Variants in CYP20A1 observed in about 807,000 individuals in gnomAD.
The protein encoded by CYP20A1 is cytochrome P450 family 20 subfamily A member 1.
In CYP20A1, 61 loss-of-function variants were observed where a neutral mutation model predicts 61.4. The observed-to-expected ratio is 0.99, with a 90% confidence interval of 0.81 to 1.23. The LOEUF is 1.23. CYP20A1 is among the 50% of genes most tolerant of loss of function. The probability of loss-of-function intolerance (pLI) is 0.00; values close to 1 mark genes in which losing one functional copy is unlikely to be tolerated. For synonymous variants in CYP20A1, 193 were observed against 188.2 expected (o/e 1.03, Z -0.21); for missense variants, 530 against 542.4 (o/e 0.98, Z 0.23).
chr2:203,296,061 A>G (rs1048458757), intron 11 of CYP20A1, among the ~76,000 whole-genome samples: 1 of 152,166 alleles, frequency 6.6e-6, no homozygotes, highest in Non-Finnish European at 1.5e-5. Flanking sequence ...CTAGGAGTTC[A>G]AGATCAGCCT....
chr2:203,246,650 A>G, intron 2 of CYP20A1, 105 bp from the exon 3 acceptor site: 2 of 1,123,240 alleles, frequency 1.8e-6, no homozygotes, highest in South Asian at 3.3e-5. Flanking sequence ...AATTTCATGA[A>G]CCTTTGTTCT....
At chr2:203,275,557 A>C (rs1479378040) in intron 6 of CYP20A1, among the ~76,000 whole-genome samples, 1 of 151,972 alleles carries the variant, frequency 6.6e-6, no homozygotes, top group Non-Finnish European at 1.5e-5. Flanking sequence ...CTCGGGCCTC[A>C]GCCTCCCAAG....
intron 1 of CYP20A1, among the ~76,000 whole-genome samples, chr2:203,239,830 T>G (rs1440527982): frequency 6.6e-6 from 1 of 151,962 alleles, no homozygotes; most frequent in East Asian, 1.9e-4. Context: ...CTGAGGACCG[T>G]CTTTAAAACC....
rs1372237325 is a variant in CYP20A1 at position 203,299,660 on chromosome 2, A to T, written c.*2752A>T. 6.6e-6 allele frequency among the ~76,000 whole-genome samples: 1 copy of T among 152,130 alleles called. No homozygotes were observed. The highest frequency in any genetic ancestry group is 1.5e-5 in the Non-Finnish European group (1 of 68,022). ...GAGGCCGAGGCAGGCAGATCACCTG[A>T]GGTCAGGCGTTCAAGACCAGCCTGA... On this transcript the variant is annotated 3_prime_UTR_variant, in exon 13 of 13. Coordinates refer to ENST00000356079, the MANE Select transcript of CYP20A1 (RefSeq NM_177538.3).
rs890778842 is a variant in CYP20A1, at chr2:203,299,236, A to G, written c.*2328A>G. On this transcript the variant is annotated 3_prime_UTR_variant, in exon 13 of 13. Transcript: ENST00000356079. Reference sequence around the variant, plus strand: ...AGATAGTGAGGAAAGAAAGGAAGAAAAATGATAATTGTCTGCAAGTGGGCT... The same window carrying G: ...AGATAGTGAGGAAAGAAAGGAAGAAGAATGATAATTGTCTGCAAGTGGGCT... Among the ~76,000 whole-genome samples, 13 of 152,138 alleles carry G rather than the reference A, an allele frequency of 8.5e-5. No individual in the cohort carries two copies. Among genetic ancestry groups the G allele is most frequent in the Admixed American group, 8.5e-4 (13 of 15,250 alleles).
intron 4 of CYP20A1, among the ~76,000 whole-genome samples, chr2:203,261,426 G>T (rs184284777): frequency 3.8e-4 from 57 of 149,752 alleles, no homozygotes; most frequent in African/African-American, 1.4e-3. Flanking sequence ...TATTAGCTGG[G>T]TATGGTAGTG....
At position 203,247,027 on chromosome 2, in the gene CYP20A1, G is replaced by A. The variant is rs527621559; in HGVS notation, c.289+106G>A. On this transcript the variant is annotated intron_variant, in intron 3 of 12. Coordinates refer to ENST00000356079, the MANE Select transcript of CYP20A1 (RefSeq NM_177538.3). ...TGTAATCCCAACACTTTGGGAGGCTGAGGCAGGTGGATCACATGAGGCCAG... is the reference window on the plus strand; with the variant it reads ...TGTAATCCCAACACTTTGGGAGGCTAAGGCAGGTGGATCACATGAGGCCAG... 10 of 1,074,022 alleles carry A rather than the reference G, an allele frequency of 9.3e-6. No individual in the cohort carries two copies. The South Asian group carries it at 1.3e-4, about 13-fold the overall frequency. The allele number at this position is 1,074,022 out of a possible 1,614,324, so 66.5% of individuals were successfully genotyped here.
chr2:203,250,936 A>C (rs2066643220), intron 3 of CYP20A1, among the ~76,000 whole-genome samples: 1 of 151,572 alleles, frequency 6.6e-6, no homozygotes, highest in South Asian at 2.1e-4. Context: ...TGCTGGCAGG[A>C]GCCTGTAGTC....
At chr2:203,268,475 A>T (rs1480437665) in intron 5 of CYP20A1, among the ~76,000 whole-genome samples, 1 of 152,168 alleles carries the variant, frequency 6.6e-6, no homozygotes, top group Non-Finnish European at 1.5e-5. Flanking sequence ...CTGATATTTC[A>T]TGAGTAGATT....
At chr2:203,266,805 A>C in intron 5 of CYP20A1, 124 bp downstream of exon 5, 1 of 765,308 alleles carries the variant, frequency 1.3e-6, no homozygotes, top group South Asian at 1.8e-5. Flanking sequence ...ACATGGTAAA[A>C]ACGTGTCTCT....
chr2:203,303,077 T>A lies in CYP20A1; in HGVS notation c.*6169T>A, dbSNP rs2069086061. 6.6e-6 allele frequency among the ~76,000 whole-genome samples: 1 copy of A among 152,078 alleles called. No individual in the cohort carries two copies. ...GTGTGGTGGCACGATCTTGGCTCAC[T>A]GCAACCCCTGCCTCCCAGGTTCAAG... On this transcript the variant is annotated 3_prime_UTR_variant, in exon 13 of 13. Transcript: ENST00000356079.
chr2:203,282,253 G>C (rs1179594402), intron 8 of CYP20A1, among the ~76,000 whole-genome samples: 1 of 151,908 alleles, frequency 6.6e-6, no homozygotes, highest in Non-Finnish European at 1.5e-5. Context: ...GTCTTGAACT[G>C]ACCTCAGGTG....
At position 203,303,012 on chromosome 2, in the gene CYP20A1, T is replaced by G. The variant is rs940248420; in HGVS notation, c.*6104T>G. On this transcript the variant is annotated 3_prime_UTR_variant, in exon 13 of 13. Coordinates refer to ENST00000356079, the MANE Select transcript of CYP20A1 (RefSeq NM_177538.3). ...GGTCCCTTTCTTTTTATTTATTTAT[T>G]TATTTTGAGATGGAGTCTCGCTGTG... Among the ~76,000 whole-genome samples, 1 of 151,130 alleles carries G rather than the reference T, an allele frequency of 6.6e-6. No individual in the cohort carries two copies. Among genetic ancestry groups the G allele is most frequent in the African/African-American group, 2.4e-5 (1 of 41,070 alleles).
rs1223441044 is a variant in CYP20A1 at position 203,298,792 on chromosome 2, T to C, written c.*1884T>C. 1.3e-5 allele frequency among the ~76,000 whole-genome samples: 2 copies of C among 151,824 alleles called. No individual in the cohort carries two copies. The highest frequency in any genetic ancestry group is 2.9e-5 in the Non-Finnish European group (2 of 67,974). On this transcript the variant is annotated 3_prime_UTR_variant, in exon 13 of 13. Transcript: ENST00000356079. ...GCTCATGCCTGTTATCCTAACACTTTGGGAAGCCGACATGGGCAGATCACG... is the reference window on the plus strand; with the variant it reads ...GCTCATGCCTGTTATCCTAACACTTCGGGAAGCCGACATGGGCAGATCACG...
intron 8 of CYP20A1, among the ~76,000 whole-genome samples, chr2:203,281,049 C>T (rs2068022542): frequency 6.6e-6 from 1 of 152,086 alleles, no homozygotes; most frequent in South Asian, 2.1e-4. Flanking sequence ...GAACTCCTCT[C>T]GTTGGAATTG....
intron 8 of CYP20A1, among the ~76,000 whole-genome samples, chr2:203,285,289 C>T (rs913399071): frequency 3.3e-5 from 5 of 152,040 alleles, no homozygotes; most frequent in African/African-American, 4.8e-5. Flanking sequence ...ATTGAGCACT[C>T]CTACAGATAT....
intron 5 of CYP20A1, among the ~76,000 whole-genome samples, chr2:203,268,629 A>G (rs191710948): frequency 6.6e-6 from 1 of 151,764 alleles, no homozygotes; most frequent in African/African-American, 2.4e-5. Context: ...TGTTTTTTAC[A>G]TCCACAGCCT....
intron 11 of CYP20A1, among the ~76,000 whole-genome samples, chr2:203,294,868 C>T (rs1343509561): frequency 2.0e-5 from 3 of 150,312 alleles, no homozygotes; most frequent in Non-Finnish European, 4.4e-5. Context: ...CTTTTGACCT[C>T]GTGATCACCT....
intron 10 of CYP20A1, among the ~76,000 whole-genome samples, chr2:203,291,550 T>G (rs1281031606): frequency 6.6e-6 from 1 of 152,214 alleles, no homozygotes; most frequent in Non-Finnish European, 1.5e-5. Context: ...TAATTCTGTC[T>G]TTATAACTTT....
Sources: allele counts gnomAD v4.1 joint callset (sites outside exome capture counted in the v4.1 genomes callset), GRCh38; gene constraint gnomAD v4.1.1; transcripts MANE v1.5; gene names NCBI Gene and HGNC (gene_info 2026-07-23, HGNC 2026-07-21).